The following WWOX variants were observed in gnomAD, a reference collection of about 807,000 sequenced individuals.
WWOX encodes WW domain-containing oxidoreductase.
Under a neutral mutation model 46.2 loss-of-function variants are expected in WWOX, and 69 were observed. The ratio of observed to expected loss-of-function variants is 1.49; its 90% CI spans 1.23 to 1.82. WWOX has a LOEUF of 1.82. Among genes scored for constraint, WWOX ranks in the 40% most tolerant of loss-of-function variants. The probability of loss-of-function intolerance (pLI) is 0.00; values close to 1 mark genes in which losing one functional copy is unlikely to be tolerated. For synonymous variants in WWOX, 359 were observed against 202.6 expected (o/e 1.77, Z -6.56); for missense variants, 919 against 542.6 (o/e 1.69, Z -6.89).
chr16:78,196,357 C>T (rs1202603200), intron 5 of WWOX, among the ~76,000 whole-genome samples: 1 of 151,936 alleles, frequency 6.6e-6, no homozygotes, highest in Non-Finnish European at 1.5e-5. Flanking sequence ...ATTCTAATTC[C>T]CTGAAGGACA....
chr16:78,652,577 A>T (rs1441741979), intron 8 of WWOX, among the ~76,000 whole-genome samples: 3 of 152,148 alleles, frequency 2.0e-5, no homozygotes, highest in Admixed American at 6.5e-5. Context: ...GGTATTTCTC[A>T]GCGTGTTCGG....
At chr16:78,944,493 C>T (rs1463097940) in intron 8 of WWOX, among the ~76,000 whole-genome samples, 1 of 152,158 alleles carries the variant, frequency 6.6e-6, no homozygotes, top group East Asian at 1.9e-4. Context: ...AACTGGTCCT[C>T]AAGATACAAC....
rs2051779992 is a variant in WWOX, at chr16:79,212,058, G to A, written c.*262G>A. 1 of 1,536,330 alleles carries A rather than the reference G, an allele frequency of 6.5e-7. No homozygotes were observed. The highest frequency in any genetic ancestry group is 1.4e-5 in the African/African-American group (1 of 73,046). On this transcript the variant is annotated 3_prime_UTR_variant, in exon 9 of 9. Coordinates refer to ENST00000566780, the MANE Select transcript of WWOX (RefSeq NM_016373.4). ...GTGGCCTGTTTGAAAGTAAAAACCTGCTTGGTGTGTAGGTTCCGTATCTCC... is the reference window on the plus strand; with the variant it reads ...GTGGCCTGTTTGAAAGTAAAAACCTACTTGGTGTGTAGGTTCCGTATCTCC...
At chr16:78,661,680 G>A (rs539531184) in intron 8 of WWOX, among the ~76,000 whole-genome samples, 10 of 152,214 alleles carry the variant, frequency 6.6e-5, no homozygotes, top group African/African-American at 2.2e-4. Flanking sequence ...GCATGGAATG[G>A]GGGGAAAAGC....
intron 8 of WWOX, among the ~76,000 whole-genome samples, chr16:78,734,060 G>GA (rs552846537): frequency 0.041 from 5,866 of 144,018 alleles, 279 homozygotes; most frequent in Admixed American, 0.14. Context: ...ATCCTGTCTG[G>GA]AAAAAAAAAA....
chr16:78,132,029 T>TC (rs1299638303), intron 4 of WWOX, among the ~76,000 whole-genome samples: 2 of 144,290 alleles, frequency 1.4e-5, no homozygotes, highest in Non-Finnish European at 3.0e-5. Flanking sequence ...TTCTTTTTCT[T>TC]TTTTTTTTTT....
At chr16:79,154,100 G>C (rs902617281) in intron 8 of WWOX, among the ~76,000 whole-genome samples, 1 of 152,206 alleles carries the variant, frequency 6.6e-6, no homozygotes, top group Non-Finnish European at 1.5e-5. Context: ...ATCATGGATA[G>C]TCTTTTAAAA....
At chr16:78,194,448 C>T (rs1052367300) in intron 5 of WWOX, among the ~76,000 whole-genome samples, 5 of 151,548 alleles carry the variant, frequency 3.3e-5, no homozygotes, top group African/African-American at 7.3e-5. Context: ...ATTAGCCTGG[C>T]GTGGTGGTGG....
At chr16:79,121,528 C>G (rs1369302831) in intron 8 of WWOX, among the ~76,000 whole-genome samples, 1 of 152,166 alleles carries the variant, frequency 6.6e-6, no homozygotes, top group Non-Finnish European at 1.5e-5. Context: ...TACATAGACA[C>G]TCGTCTACTT....
chr16:78,400,173 G>C (rs868504406), intron 6 of WWOX, among the ~76,000 whole-genome samples: 1 of 152,040 alleles, frequency 6.6e-6, no homozygotes, highest in Non-Finnish European at 1.5e-5. Flanking sequence ...TCACTTACTC[G>C]TCATCAAAAA....
intron 8 of WWOX, among the ~76,000 whole-genome samples, chr16:79,156,724 G>C (rs1329455144): frequency 6.6e-6 from 1 of 151,906 alleles, no homozygotes; most frequent in African/African-American, 2.4e-5. Context: ...ATTTAAGAGG[G>C]GGGTGGGGGC....
chr16:78,173,228 G>A (rs976944703), intron 5 of WWOX, among the ~76,000 whole-genome samples: 2 of 152,176 alleles, frequency 1.3e-5, no homozygotes, highest in Admixed American at 6.5e-5. Context: ...CAGATCTGGG[G>A]TTAAATCCCA....
chr16:78,927,122 G>A (rs1017428840), intron 8 of WWOX, among the ~76,000 whole-genome samples: 7 of 152,216 alleles, frequency 4.6e-5, no homozygotes, highest in African/African-American at 1.7e-4. Context: ...CTGCGAGAAA[G>A]TCACTGTGAT....
At chr16:78,626,939 T>G (rs2046324208) in intron 8 of WWOX, among the ~76,000 whole-genome samples, 1 of 152,174 alleles carries the variant, frequency 6.6e-6, no homozygotes, top group Non-Finnish European at 1.5e-5. Context: ...TGCTGTTGGC[T>G]CCTGTGTTCT....
At chr16:78,436,416 T>A (rs1434223430) in intron 8 of WWOX, among the ~76,000 whole-genome samples, 1 of 152,156 alleles carries the variant, frequency 6.6e-6, no homozygotes, top group Non-Finnish European at 1.5e-5. Context: ...CCTTGAGTGA[T>A]TAGAAAATAG....
chr16:78,447,492 T>C (rs984921309), intron 8 of WWOX, among the ~76,000 whole-genome samples: 1 of 152,228 alleles, frequency 6.6e-6, no homozygotes, highest in Non-Finnish European at 1.5e-5. Context: ...AGGGATGGAA[T>C]TGAATCTGTA....
chr16:78,777,523 C>T (rs1361813130), intron 8 of WWOX, among the ~76,000 whole-genome samples: 1 of 152,100 alleles, frequency 6.6e-6, no homozygotes, highest in Non-Finnish European at 1.5e-5. Flanking sequence ...TGCTAAGAGG[C>T]CCCTGGTCCT....
chr16:78,279,542 G>T (rs1344975497), intron 5 of WWOX, among the ~76,000 whole-genome samples: 1 of 152,114 alleles, frequency 6.6e-6, no homozygotes, highest in East Asian at 1.9e-4. Flanking sequence ...GTGATGGGGT[G>T]TTTCCAAAAA....
At chr16:79,181,973 A>T (rs1344607514) in intron 8 of WWOX, among the ~76,000 whole-genome samples, 1 of 152,192 alleles carries the variant, frequency 6.6e-6, no homozygotes, top group African/African-American at 2.4e-5. Flanking sequence ...ACCACAGCTC[A>T]TTAGTGAACC....
Sources: gnomAD v4.1 joint callset for allele counts (sites outside exome capture counted in the v4.1 genomes callset) on GRCh38, gnomAD v4.1.1 for gene constraint, MANE v1.5 for transcripts, NCBI Gene and HGNC (gene_info 2026-07-23, HGNC 2026-07-21) for gene names.